Variants in RAD51B observed in about 807,000 individuals in gnomAD.
RAD51B encodes the protein RAD51 paralog B.
A neutral mutation model predicts 42.2 loss-of-function variants in RAD51B; 38 were observed. That is an observed-to-expected ratio of 0.90 (90% CI 0.70 to 1.18). RAD51B has a LOEUF of 1.18. Ranked by LOEUF, RAD51B falls within the 50% of genes most tolerant of loss-of-function variation. RAD51B has a pLI of 0.00. For synonymous variants in RAD51B, 154 were observed against 145.2 expected (o/e 1.06, Z -0.43); for missense variants, 373 against 400.7 (o/e 0.93, Z 0.59).
chr14:68,237,732 C>CTTTTTTTT (rs57490316), intron 7 of RAD51B, among the ~76,000 whole-genome samples: 1 of 74,096 alleles, frequency 1.3e-5, no homozygotes, highest in African/African-American at 5.2e-5. Flanking sequence ...TTTCATTTCT[C>CTTTTTTTT]TTTTTTTTTT....
chr14:68,188,188 C>A (rs140589476), intron 7 of RAD51B, among the ~76,000 whole-genome samples: 1 of 151,822 alleles, frequency 6.6e-6, no homozygotes, highest in Non-Finnish European at 1.5e-5. Flanking sequence ...TCATTTAGTC[C>A]GTGATTTCAG....
At position 68,426,023 on chromosome 14, in the gene RAD51B, T is replaced by C. The variant is rs12586585; in HGVS notation, c.957+14496T>C. 6.1e-3 allele frequency among the ~76,000 whole-genome samples: 832 copies of C among 136,624 alleles called. 5 individuals are homozygous for C. The highest frequency in any genetic ancestry group is 0.02 in the African/African-American group (782 of 38,250). The allele number at this position is 136,624 out of a possible 152,430, so 89.6% of individuals were successfully genotyped here. Reference sequence around the variant, plus strand: ...TCCTTCCTTCCTTTCTTTCTTTCTTTCTTTCTCTCTTTCTTTCTCTCTTTC... The same window carrying C: ...TCCTTCCTTCCTTTCTTTCTTTCTTCCTTTCTCTCTTTCTTTCTCTCTTTC... On this transcript the variant is annotated intron_variant, in intron 9 of 10. Transcript: ENST00000471583.
chr14:68,578,477 A>G (rs1297031421), intron 10 of RAD51B, among the ~76,000 whole-genome samples: 1 of 152,220 alleles, frequency 6.6e-6, no homozygotes, highest in African/African-American at 2.4e-5. Flanking sequence ...ATGACATGGC[A>G]GCTTTCATGG....
intron 10 of RAD51B, among the ~76,000 whole-genome samples, chr14:68,475,084 G>A (rs538552942): frequency 6.6e-6 from 1 of 152,312 alleles, no homozygotes; most frequent in Non-Finnish European, 1.5e-5. Context: ...ATAGAGAATG[G>A]TGGTGGGAGA....
intron 8 of RAD51B, among the ~76,000 whole-genome samples, chr14:68,343,190 A>C (rs960030601): frequency 2.0e-5 from 3 of 152,200 alleles, no homozygotes; most frequent in Non-Finnish European, 4.4e-5. Flanking sequence ...TGTACAGTAC[A>C]TAATTATTCA....
chr14:67,924,072 A>T (rs2044421535), intron 7 of RAD51B, among the ~76,000 whole-genome samples: 1 of 151,418 alleles, frequency 6.6e-6, no homozygotes, highest in African/African-American at 2.4e-5. Flanking sequence ...TTTTGATGGG[A>T]TTATTTGTTT....
chr14:67,938,759 T>C (rs1210685668), intron 7 of RAD51B, among the ~76,000 whole-genome samples: 1 of 152,194 alleles, frequency 6.6e-6, no homozygotes, highest in African/African-American at 2.4e-5. Flanking sequence ...TGCGTGACAG[T>C]GTGCTTGCCC....
At position 68,625,326 on chromosome 14, in the gene RAD51B, G is replaced by T. The variant is rs184405384; in HGVS notation, c.1037-25455G>T. On this transcript the variant is annotated intron_variant, in intron 10 of 11. Coordinates refer to the RAD51B transcript ENST00000488612. ...GACTCTGTCTCCCTTGAACTTTTCTGCATACGCTGTGCCTCAAGCCAGGCC... is the reference window on the plus strand; with the variant it reads ...GACTCTGTCTCCCTTGAACTTTTCTTCATACGCTGTGCCTCAAGCCAGGCC... Among the ~76,000 whole-genome samples the T allele has an allele frequency of 4.8e-3, 736 of 152,264 alleles. 16 individuals carry two copies. In the South Asian group the frequency reaches 0.051, roughly 11 times the overall value.
chr14:68,071,663 C>T (rs890598181), intron 7 of RAD51B, among the ~76,000 whole-genome samples: 1 of 152,030 alleles, frequency 6.6e-6, no homozygotes, highest in African/African-American at 2.4e-5. Flanking sequence ...ATTGAGTTTA[C>T]TAGTATTTTG....
intron 7 of RAD51B, among the ~76,000 whole-genome samples, chr14:67,892,473 T>C (rs1045782150): frequency 6.6e-6 from 1 of 152,196 alleles, no homozygotes; most frequent in Non-Finnish European, 1.5e-5. Context: ...AATGGATTCA[T>C]AGGTTATGCA....
chr14:67,871,853 T>C (rs201528415), intron 5 of RAD51B, among the ~76,000 whole-genome samples: 3 of 151,968 alleles, frequency 2.0e-5, no homozygotes, highest in Non-Finnish European at 4.4e-5. Flanking sequence ...ATTATCTCAA[T>C]AGATGCAGAA....
At chr14:68,207,277 C>T (rs987726060) in intron 7 of RAD51B, among the ~76,000 whole-genome samples, 21 of 152,136 alleles carry the variant, frequency 1.4e-4, no homozygotes, top group Non-Finnish European at 1.3e-4. Flanking sequence ...TGCATATATG[C>T]ATATTTTAGA....
At chr14:68,629,160 C>T (rs1379499866) in intron 10 of RAD51B, among the ~76,000 whole-genome samples, 22 of 152,166 alleles carry the variant, frequency 1.4e-4, no homozygotes, top group Non-Finnish European at 2.9e-5. Context: ...TTTGTCCCTC[C>T]CTCCTGAGGT....
chr14:68,001,798 TTTGGTTTTCTGTTCCTACA>T (rs2075489593), intron 7 of RAD51B, among the ~76,000 whole-genome samples: 1 of 152,144 alleles, frequency 6.6e-6, no homozygotes, highest in East Asian at 1.9e-4. Flanking sequence ...ACATGTGGCG[TTTGGTTTTCTGTTCCTACA>T]TTAGTTTGCC....
chr14:68,517,642 G>A (rs192328252), intron 10 of RAD51B, among the ~76,000 whole-genome samples: 1 of 152,266 alleles, frequency 6.6e-6, no homozygotes, highest in Admixed American at 6.5e-5. Context: ...GCATTTACAG[G>A]TAAATGTGCT....
At position 68,472,157 on chromosome 14, in the gene RAD51B, G is replaced by A. The variant is rs117190791; in HGVS notation, c.1036+3907G>A. On this transcript the variant is annotated intron_variant, in intron 10 of 10. Transcript: ENST00000471583. ...GTTGGTTCTGGGAATCAGCTTTAAT[G>A]GTGTGTGCCCACAGAAGCATCTGGC... The A allele has an allele frequency of 0.017, 2,621 of 152,802 alleles. 43 individuals are homozygous for A. The highest frequency in any genetic ancestry group is 0.039 in the Middle Eastern group (12 of 304). The allele number at this position is 152,802 out of a possible 1,614,324, so 9.5% of individuals were successfully genotyped here.
rs540663004 is a variant in RAD51B, at chr14:68,391,290, A to G, written c.854-20134A>G. 2.6e-5 allele frequency among the ~76,000 whole-genome samples: 4 copies of G among 151,936 alleles called. No homozygotes were observed. The East Asian group carries it at 7.8e-4, about 30-fold the overall frequency. ...CAGTTTCATTTGTGTTGTCACATAT[A>G]TATCAGTTGTTGAGTCTTTAGTATG... On this transcript the variant is annotated intron_variant, in intron 8 of 10. Coordinates refer to ENST00000471583, the MANE Select transcript of RAD51B (RefSeq NM_133510.4).
chr14:68,199,600 A>T (rs2140921709), intron 7 of RAD51B, among the ~76,000 whole-genome samples: 1 of 152,326 alleles, frequency 6.6e-6, no homozygotes, highest in East Asian at 1.9e-4. Context: ...TAGGTTCAGG[A>T]AATGAAAATG....
At chr14:67,941,898 A>C (rs1171204402) in intron 7 of RAD51B, among the ~76,000 whole-genome samples, 1 of 152,222 alleles carries the variant, frequency 6.6e-6, no homozygotes, top group Non-Finnish European at 1.5e-5. Context: ...CAGGCTGGGA[A>C]AGCAGAATGA....
Sources: gnomAD v4.1 joint callset for allele counts (sites outside exome capture counted in the v4.1 genomes callset) on GRCh38, gnomAD v4.1.1 for gene constraint, MANE v1.5 for transcripts, NCBI Gene and HGNC (gene_info 2026-07-23, HGNC 2026-07-21) for gene names.